Variants in ASTN2 observed in about 807,000 individuals in gnomAD.
ASTN2 encodes astrotactin 2, also known as astrotactin-2.
Under a neutral mutation model 139.8 loss-of-function variants are expected in ASTN2, and 54 were observed. The observed-to-expected ratio is 0.39, with a 90% CI of 0.31 to 0.48. The LOEUF (loss-of-function observed/expected upper bound fraction) is 0.48, where lower values mean the gene tolerates loss of function less well. ASTN2 is among the 20% of genes least tolerant of loss of function. The pLI is 0.95. For missense variants in ASTN2, 1,565 were observed against 1,725.1 expected, an observed-to-expected ratio of 0.91 and a Z score of 1.64; for synonymous variants, 756 against 719.5, an observed-to-expected ratio of 1.05 and a Z score of -0.81.
At chr9:117,023,591 T>C (rs1211888425) in intron 6 of ASTN2, among the ~76,000 whole-genome samples, 3 of 152,172 alleles carry the variant, frequency 2.0e-5, no homozygotes, top group Non-Finnish European at 4.4e-5. Flanking sequence ...CGTCTCCTGC[T>C]GAGAATGAAA....
intron 22 of ASTN2, among the ~76,000 whole-genome samples, chr9:116,429,676 G>A (rs1847434550): frequency 6.6e-6 from 1 of 152,116 alleles, no homozygotes; most frequent in African/African-American, 2.4e-5. Flanking sequence ...TGTATTTTGT[G>A]TACTGGGCAA....
At chr9:116,528,829 C>G (rs1041311672) in intron 19 of ASTN2, among the ~76,000 whole-genome samples, 1 of 152,168 alleles carries the variant, frequency 6.6e-6, no homozygotes, top group Admixed American at 6.5e-5. Context: ...AGGGTGCAAG[C>G]CCCACGTCTT....
chr9:117,150,981 G>A (rs1830314755), intron 3 of ASTN2, among the ~76,000 whole-genome samples: 1 of 152,078 alleles, frequency 6.6e-6, no homozygotes, highest in Non-Finnish European at 1.5e-5. Flanking sequence ...GAATGCGGGT[G>A]TGAGCCACCA....
intron 10 of ASTN2, among the ~76,000 whole-genome samples, chr9:116,923,488 A>G (rs1463591108): frequency 1.3e-5 from 2 of 152,216 alleles, no homozygotes; most frequent in Admixed American, 6.5e-5. Context: ...CCTTAGGCAG[A>G]GTGGTTCCAT....
intron 19 of ASTN2, among the ~76,000 whole-genome samples, chr9:116,563,421 T>G (rs1052980086): frequency 8.3e-5 from 12 of 144,988 alleles, no homozygotes; most frequent in Non-Finnish European, 1.8e-4. Context: ...ATAAAAAAAT[T>G]ATCCCAACAG....
At chr9:117,321,525 A>G (rs753278242) in intron 1 of ASTN2, among the ~76,000 whole-genome samples, 5 of 152,216 alleles carry the variant, frequency 3.3e-5, no homozygotes, top group Non-Finnish European at 7.3e-5. Flanking sequence ...AGCTCCTAGT[A>G]AAAAATTCAG....
At chr9:116,439,940 C>G (rs1466604015) in intron 22 of ASTN2, among the ~76,000 whole-genome samples, 1 of 152,174 alleles carries the variant, frequency 6.6e-6, no homozygotes, top group Non-Finnish European at 1.5e-5. Context: ...TTGTCAGCAG[C>G]CACCACATAA....
intron 11 of ASTN2, among the ~76,000 whole-genome samples, chr9:116,842,716 C>T (rs1191310703): frequency 7.8e-6 from 1 of 127,744 alleles, no homozygotes; most frequent in Non-Finnish European, 1.6e-5. Context: ...TCGGTGCTCA[C>T]AAGGAGGGAA....
chr9:116,978,281 T>C (rs1836409431), intron 7 of ASTN2, among the ~76,000 whole-genome samples: 1 of 152,130 alleles, frequency 6.6e-6, no homozygotes, highest in Non-Finnish European at 1.5e-5. Flanking sequence ...GAAATGCTAG[T>C]AGGAACCGCC....
chr9:116,492,590 AG>A (rs1849549733), intron 19 of ASTN2, among the ~76,000 whole-genome samples: 1 of 152,182 alleles, frequency 6.6e-6, no homozygotes, highest in African/African-American at 2.4e-5. Context: ...AACTTGTACC[AG>A]CCAACTTATG....
intron 19 of ASTN2, among the ~76,000 whole-genome samples, chr9:116,580,214 C>T (rs995214978): frequency 1.4e-4 from 21 of 152,318 alleles, no homozygotes; most frequent in African/African-American, 4.8e-4. Flanking sequence ...AGGAAATACA[C>T]TGGATTAGTT....
intron 19 of ASTN2, among the ~76,000 whole-genome samples, chr9:116,532,015 T>C (rs906224687): frequency 1.3e-5 from 2 of 152,226 alleles, no homozygotes; most frequent in African/African-American, 4.8e-5. Flanking sequence ...CTCCACATCC[T>C]CTCCAGCACC....
intron 19 of ASTN2, among the ~76,000 whole-genome samples, chr9:116,545,018 A>G (rs1490486760): frequency 6.6e-6 from 1 of 152,186 alleles, no homozygotes; most frequent in East Asian, 1.9e-4. Context: ...AAACATGGAC[A>G]GGCCCGGCTC....
intron 13 of ASTN2, among the ~76,000 whole-genome samples, chr9:116,777,167 G>A (rs886643964): frequency 3.2e-4 from 48 of 152,138 alleles, no homozygotes; most frequent in Admixed American, 1.0e-3. Context: ...AAGGGTAAGG[G>A]CCAGAGACTC....
chr9:116,978,223 G>T (rs1031429272), intron 7 of ASTN2, among the ~76,000 whole-genome samples: 1 of 152,116 alleles, frequency 6.6e-6, no homozygotes, highest in South Asian at 2.1e-4. Context: ...TGGGAGCCTT[G>T]TTGGTGGAAT....
At chr9:116,720,407 G>C (rs192198681) in intron 16 of ASTN2, among the ~76,000 whole-genome samples, 4 of 152,298 alleles carry the variant, frequency 2.6e-5, no homozygotes, top group Non-Finnish European at 4.4e-5. Flanking sequence ...TTCCACAGGG[G>C]TCACCTAGGC....
intron 13 of ASTN2, among the ~76,000 whole-genome samples, chr9:116,789,329 G>A (rs1293841982): frequency 1.3e-5 from 2 of 152,202 alleles, no homozygotes; most frequent in African/African-American, 4.8e-5. Context: ...GAATTAACCA[G>A]CCCTGGGCTA....
At chr9:117,357,904 A>C (rs1444157643) in intron 1 of ASTN2, among the ~76,000 whole-genome samples, 1 of 152,154 alleles carries the variant, frequency 6.6e-6, no homozygotes, top group Non-Finnish European at 1.5e-5. Flanking sequence ...TAAGAAGGCA[A>C]AGATTGTAGA....
chr9:117,185,050 G>A (rs151146602), intron 3 of ASTN2, among the ~76,000 whole-genome samples: 111 of 152,176 alleles, frequency 7.3e-4, no homozygotes, highest in African/African-American at 2.6e-3. Flanking sequence ...ATGGGCACAC[G>A]ATTCATACCC....
Sources: gnomAD v4.1 joint callset for allele counts (sites outside exome capture counted in the v4.1 genomes callset) on GRCh38, gnomAD v4.1.1 for gene constraint, MANE v1.5 for transcripts, NCBI Gene and HGNC (gene_info 2026-07-23, HGNC 2026-07-21) for gene names.